The following TAB1 variants were observed in gnomAD, a reference collection of about 807,000 sequenced individuals.
TAB1 encodes the protein TGF-beta activated kinase 1 (MAP3K7) binding protein 1, also known as TGF-beta-activated kinase 1 and MAP3K7-binding protein 1.
TAB1 carries 30 observed loss-of-function variants against 54.5 expected under a neutral mutation model. That is an observed-to-expected ratio of 0.55 (90% CI 0.41 to 0.75). TAB1 has a LOEUF of 0.75. TAB1 is among the 30% of genes least tolerant of loss of function. TAB1 has a pLI of 0.00. For synonymous variants in TAB1, 289 were observed against 286.9 expected (o/e 1.01, Z -0.07); for missense variants, 609 against 683.2 (o/e 0.89, Z 1.21).
intron 8 of TAB1, among the ~76,000 whole-genome samples, chr22:39,423,964 A>G (rs7288760): frequency 0.72 from 107,458 of 148,434 alleles, 39,182 homozygotes; most frequent in East Asian, 1. Context: ...TATAGTGTAC[A>G]TTGTAACTAA....
chr22:39,416,675 A>G, intron 3 of TAB1, 116 bp from the exon 4 acceptor site: 1 of 960,370 alleles, frequency 1.0e-6, no homozygotes, highest in South Asian at 1.4e-5. Context: ...AAGCTCCATC[A>G]CACAAGAACC....
At chr22:39,402,239 A>G (rs1926178065) in intron 1 of TAB1, among the ~76,000 whole-genome samples, 1 of 152,088 alleles carries the variant, frequency 6.6e-6, no homozygotes, top group Non-Finnish European at 1.5e-5. Flanking sequence ...CTGGTCTAGA[A>G]TCCTGGGTTC....
intron 7 of TAB1, among the ~76,000 whole-genome samples, chr22:39,420,806 TGTGTGTGTGTGTTTGTC>T (rs1927042080): frequency 6.7e-6 from 1 of 148,492 alleles, no homozygotes; most frequent in South Asian, 2.2e-4. Flanking sequence ...TGTGTGTGTG[TGTGTGTGTGTGTTTGTC>T]CTGGGGGCCA....
downstream of TAB1, among the ~76,000 whole-genome samples, chr22:39,434,050 G>A (rs1290853487): frequency 6.6e-6 from 1 of 152,222 alleles, no homozygotes; most frequent in Admixed American, 6.5e-5. Flanking sequence ...GCATGAGTCA[G>A]GGAGGAAGGG....
chr22:39,432,703 G>T, downstream of TAB1: 1 of 976,300 alleles, frequency 1.0e-6, no homozygotes, highest in Non-Finnish European at 1.2e-6. Context: ...GCACAGTCCT[G>T]GTCACAAGTG....
rs1457791192 is a variant in TAB1 at position 39,431,139 on chromosome 22, T to G, written c.*917T>G. 1 of 985,708 alleles carries G rather than the reference T, an allele frequency of 1.0e-6. No individual in the cohort carries two copies. Among genetic ancestry groups the G allele is most frequent in the African/African-American group, 1.7e-5 (1 of 57,248 alleles). The allele number at this position is 985,708 out of a possible 1,614,324, so 61.1% of individuals were successfully genotyped here. On this transcript the variant is annotated 3_prime_UTR_variant, in exon 11 of 11. Coordinates refer to ENST00000216160, the MANE Select transcript of TAB1 (RefSeq NM_006116.3). ...GGGGTTGTGAGTCAGGCTGGGGGACTTGTTTGAAAGAAAGAGGAGTGGAAA... is the reference window on the plus strand; with the variant it reads ...GGGGTTGTGAGTCAGGCTGGGGGACGTGTTTGAAAGAAAGAGGAGTGGAAA...
downstream of TAB1, chr22:39,432,832 C>A: frequency 1.0e-6 from 1 of 985,374 alleles, no homozygotes; most frequent in South Asian, 4.7e-5. Flanking sequence ...GTGTTACTTA[C>A]TGCACTTGAG....
chr22:39,417,153 C>T (rs958926248), intron 4 of TAB1, among the ~76,000 whole-genome samples: 1 of 152,248 alleles, frequency 6.6e-6, no homozygotes, highest in Admixed American at 6.5e-5. Flanking sequence ...CCCTTGTCAA[C>T]CACCTGCTCA....
intron 1 of TAB1, 34 bp from the exon 2 acceptor site, chr22:39,414,972 T>G (rs1926759345): frequency 1.2e-6 from 2 of 1,612,548 alleles, no homozygotes; most frequent in Admixed American, 3.3e-5. Context: ...GCAGACGCGG[T>G]GGCGTCTCAC....
intron 6 of TAB1, 30 bp from the exon 7 acceptor site, chr22:39,419,489 G>T (rs749143415): frequency 2.7e-5 from 41 of 1,535,340 alleles, no homozygotes; most frequent in Middle Eastern, 1.7e-4. Flanking sequence ...TGAACAAGAA[G>T]CAGGATTGTT....
downstream of TAB1, among the ~76,000 whole-genome samples, chr22:39,435,008 A>T (rs1424562661): frequency 6.6e-6 from 1 of 152,108 alleles, no homozygotes; most frequent in Non-Finnish European, 1.5e-5. Context: ...CCAGTAGCTC[A>T]GGGCCAGCCC....
At chr22:39,414,874 T>C in intron 1 of TAB1, 132 bp from the exon 2 acceptor site, 1 of 954,162 alleles carries the variant, frequency 1.0e-6, no homozygotes. Flanking sequence ...CATTATTGTT[T>C]TCCAGAAGGA....
intron 9 of TAB1, among the ~76,000 whole-genome samples, chr22:39,427,663 T>C (rs2145682613): frequency 6.6e-6 from 1 of 152,338 alleles, no homozygotes; most frequent in African/African-American, 2.4e-5. Context: ...CTGGCCTGTT[T>C]TTATTGCAAC....
rs34994532 is a variant in TAB1, at chr22:39,404,987, C to T, written c.33+5152C>T. On this transcript the variant is annotated intron_variant, in intron 1 of 10. Transcript: ENST00000216160. ...AGAAAGGTCTGCTGCTCCCCTGCTC[C>T]GAGCCCTCTTCCTGGGGTTGTGAGT... 3.8e-3 allele frequency among the ~76,000 whole-genome samples: 577 copies of T among 152,290 alleles called. 2 individuals carry two copies. Among genetic ancestry groups the T allele is most frequent in the Non-Finnish European group, 6.6e-3 (446 of 68,026 alleles).
chr22:39,436,937 GGCCCAGCT>G, downstream of TAB1: 1 of 204,540 alleles, frequency 4.9e-6, no homozygotes, highest in Non-Finnish European at 9.8e-6. Context: ...TGTGACACTG[GGCCCAGCT>G]ATTCTGAGAG....
intron 10 of TAB1, chr22:39,428,993 C>T: frequency 1.1e-6 from 1 of 911,272 alleles, no homozygotes. Context: ...GTAGGGGTGG[C>T]CTCTCCAGCA....
chr22:39,436,520 A>G, downstream of TAB1: 1 of 1,614,124 alleles, frequency 6.2e-7, no homozygotes, highest in Non-Finnish European at 8.5e-7. Context: ...GCGATTTGAC[A>G]GCCATCCCTC....
chr22:39,432,969 C>T (rs940692750), downstream of TAB1: 7 of 985,388 alleles, frequency 7.1e-6, no homozygotes, highest in African/African-American at 5.2e-5. Flanking sequence ...CACAGCGAGG[C>T]GAAGCTGTGC....
chr22:39,427,513 G>T (rs1175474412), intron 9 of TAB1, among the ~76,000 whole-genome samples: 1 of 152,190 alleles, frequency 6.6e-6, no homozygotes, highest in African/African-American at 2.4e-5. Flanking sequence ...GCTCCCCCCA[G>T]TGCTGCTCAG....
Sources: allele counts gnomAD v4.1 joint callset (sites outside exome capture counted in the v4.1 genomes callset), GRCh38; gene constraint gnomAD v4.1.1; transcripts MANE v1.5; gene names NCBI Gene and HGNC (gene_info 2026-07-23, HGNC 2026-07-21).